The following STXBP5L variants were observed in gnomAD, a reference collection of about 807,000 sequenced individuals.
STXBP5L encodes the protein syntaxin binding protein 5L.
Under a neutral mutation model 144.5 loss-of-function variants are expected in STXBP5L, and 65 were observed. The observed-to-expected ratio is 0.45, with a 90% CI of 0.37 to 0.55. The LOEUF is 0.55. Ranked by LOEUF, STXBP5L falls within the 20% of genes least tolerant of loss-of-function variation. The pLI is 0.00. For synonymous variants in STXBP5L, 505 were observed against 469.6 expected (o/e 1.08, Z -0.97); for missense variants, 1,298 against 1,405.5 (o/e 0.92, Z 1.22).
At chr3:121,147,336 A>G (rs1465432242) in intron 7 of STXBP5L, among the ~76,000 whole-genome samples, 1 of 152,148 alleles carries the variant, frequency 6.6e-6, no homozygotes, top group Non-Finnish European at 1.5e-5. Context: ...TTGTTTAGTC[A>G]TTAAGTACTA....
chr3:121,201,965 A>G (rs2048157332), intron 9 of STXBP5L, among the ~76,000 whole-genome samples: 1 of 152,216 alleles, frequency 6.6e-6, no homozygotes. Context: ...CATGTTGGCC[A>G]GGCCGGTGTT....
chr3:121,175,532 A>G (rs2108079560), intron 9 of STXBP5L, among the ~76,000 whole-genome samples: 1 of 152,270 alleles, frequency 6.6e-6, no homozygotes, highest in South Asian at 2.1e-4. Context: ...TAAGTTTTAA[A>G]ATGTAAATTT....
chr3:120,982,688 G>C (rs1295948472), intron 3 of STXBP5L, among the ~76,000 whole-genome samples: 2 of 152,232 alleles, frequency 1.3e-5, no homozygotes, highest in East Asian at 3.8e-4. Flanking sequence ...TTTGTATATA[G>C]AGGGGGAGTG....
chr3:121,119,891 G>A (rs193031753), intron 6 of STXBP5L, among the ~76,000 whole-genome samples: 113 of 151,344 alleles, frequency 7.5e-4, no homozygotes, highest in Non-Finnish European at 1.3e-3. Flanking sequence ...GAAGTTTAAT[G>A]TTAGATTATT....
intron 2 of STXBP5L, among the ~76,000 whole-genome samples, chr3:120,932,178 C>T (rs1709975135): frequency 6.6e-6 from 1 of 152,044 alleles, no homozygotes; most frequent in African/African-American, 2.4e-5. Context: ...TTTATGGGTC[C>T]ACCCATAATA....
At chr3:121,154,403 G>C (rs2046044443) in intron 8 of STXBP5L, among the ~76,000 whole-genome samples, 1 of 151,636 alleles carries the variant, frequency 6.6e-6, no homozygotes, top group African/African-American at 2.4e-5. Flanking sequence ...ACTACACACA[G>C]TGACCTCTTC....
intron 23 of STXBP5L, among the ~76,000 whole-genome samples, chr3:121,410,873 C>T (rs2047099891): frequency 6.6e-6 from 1 of 152,020 alleles, no homozygotes; most frequent in Non-Finnish European, 1.5e-5. Context: ...TTCTCTTTTC[C>T]TACCTGAAGT....
At chr3:120,949,900 A>G (rs904763726) in intron 2 of STXBP5L, among the ~76,000 whole-genome samples, 1 of 151,446 alleles carries the variant, frequency 6.6e-6, no homozygotes, top group Admixed American at 6.6e-5. Context: ...GGTGTCCTTT[A>G]TAGCGCATAA....
chr3:121,080,112 A>G (rs1233296201), intron 5 of STXBP5L, among the ~76,000 whole-genome samples: 2 of 152,192 alleles, frequency 1.3e-5, no homozygotes, highest in East Asian at 3.9e-4. Flanking sequence ...TTATTGTTTT[A>G]AAGTCTGTTT....
At chr3:120,962,630 A>T (rs368260134) in intron 3 of STXBP5L, among the ~76,000 whole-genome samples, 1 of 151,870 alleles carries the variant, frequency 6.6e-6, no homozygotes, top group Non-Finnish European at 1.5e-5. Context: ...TGTTCCATTG[A>T]TCTATATCTC....
chr3:120,977,962 C>T (rs1442073886), intron 3 of STXBP5L, among the ~76,000 whole-genome samples: 1 of 152,224 alleles, frequency 6.6e-6, no homozygotes, highest in African/African-American at 2.4e-5. Flanking sequence ...ACCTTTGTCT[C>T]TGGCTGCCCT....
chr3:121,002,752 G>A (rs1055300960), intron 3 of STXBP5L, among the ~76,000 whole-genome samples: 11 of 128,996 alleles, frequency 8.5e-5, no homozygotes, highest in African/African-American at 2.8e-4. Context: ...TCCCCTTCCT[G>A]TGTCCATGTG....
intron 5 of STXBP5L, among the ~76,000 whole-genome samples, chr3:121,082,296 C>CTT (rs140771221): frequency 1.8e-4 from 27 of 151,988 alleles, no homozygotes; most frequent in Admixed American, 9.2e-4. Flanking sequence ...TTTCTTTCAT[C>CTT]ATTTTTTTTT....
intron 9 of STXBP5L, 73 bp from the exon 10 acceptor site, chr3:121,205,850 T>C: frequency 1.4e-6 from 1 of 733,344 alleles, no homozygotes. Flanking sequence ...TTAAATTCCC[T>C]TAGTCAAATT....
chr3:121,068,256 C>A (rs981362949), intron 5 of STXBP5L, among the ~76,000 whole-genome samples: 1 of 152,252 alleles, frequency 6.6e-6, no homozygotes, highest in Non-Finnish European at 1.5e-5. Flanking sequence ...GATCTGCCTG[C>A]CTCGGCCTCC....
rs1388331538 is a variant in STXBP5L, at chr3:120,955,048, A to C, written c.287+11A>C. The C allele has an allele frequency of 6.2e-7, 1 of 1,602,302 alleles. No homozygotes were observed. The highest frequency in any genetic ancestry group is 1.3e-5 in the African/African-American group (1 of 74,688). The stretch of plus-strand genomic sequence containing the variant: ...AGGTGCTATACGAATGTATCCTTAA[A>C]TTTTGGTTCATTATCTGCCACAGTA... On this transcript the variant is annotated intron_variant, in intron 3 of 26. Transcript: ENST00000471454.
At chr3:121,350,831 C>T (rs2045249724) in intron 20 of STXBP5L, among the ~76,000 whole-genome samples, 1 of 152,140 alleles carries the variant, frequency 6.6e-6, no homozygotes, top group Admixed American at 6.5e-5. Flanking sequence ...AAGGACTTCT[C>T]TCCATTGGTT....
At chr3:121,300,121 A>G (rs1182384464) in intron 19 of STXBP5L, among the ~76,000 whole-genome samples, 1 of 152,176 alleles carries the variant, frequency 6.6e-6, no homozygotes, top group Non-Finnish European at 1.5e-5. Context: ...ATGAATAATG[A>G]GTGATTTTTT....
At chr3:121,338,520 G>C (rs2108575437) in intron 20 of STXBP5L, among the ~76,000 whole-genome samples, 1 of 142,782 alleles carries the variant, frequency 7.0e-6, no homozygotes, top group Non-Finnish European at 1.5e-5. Flanking sequence ...GGTGCCGCCT[G>C]TAATCCCAGC....
Sources: allele counts gnomAD v4.1 joint callset (sites outside exome capture counted in the v4.1 genomes callset), GRCh38; gene constraint gnomAD v4.1.1; transcripts MANE v1.5; gene names NCBI Gene and HGNC (gene_info 2026-07-23, HGNC 2026-07-21).